ROBO2: variants seen among roughly 807,000 people sequenced by gnomAD.
ROBO2 encodes the protein roundabout homolog 2.
A neutral mutation model predicts 160.8 loss-of-function variants in ROBO2; 53 were observed. The ratio of observed to expected loss-of-function variants is 0.33; its 90% CI spans 0.26 to 0.41. ROBO2 has a LOEUF of 0.41. ROBO2 is among the 10% of genes least tolerant of loss of function. The pLI is 1.00. For missense variants in ROBO2, 1,577 were observed against 1,722.4 expected, an observed-to-expected ratio of 0.92 and a Z score of 1.49; for synonymous variants, 664 against 611.7, an observed-to-expected ratio of 1.09 and a Z score of -1.26.
At chr3:76,684,655 T>C (rs1244417272) in intron 2 of ROBO2, among the ~76,000 whole-genome samples, 1 of 152,112 alleles carries the variant, frequency 6.6e-6, no homozygotes, top group African/African-American at 2.4e-5. Flanking sequence ...TCCAAGAATA[T>C]CACTGACTAA....
chr3:76,285,106 C>T (rs997367814), intron 2 of ROBO2, among the ~76,000 whole-genome samples: 11 of 152,072 alleles, frequency 7.2e-5, no homozygotes, highest in African/African-American at 2.7e-4. Context: ...TGCTGTGGGA[C>T]GAGAAGAACT....
intron 2 of ROBO2, among the ~76,000 whole-genome samples, chr3:77,318,395 A>T (rs756261526): frequency 6.6e-6 from 1 of 152,208 alleles, no homozygotes; most frequent in Non-Finnish European, 1.5e-5. Flanking sequence ...TTCTATTAAT[A>T]AAAAATAAAA....
chr3:77,642,948 G>A lies in ROBO2; in HGVS notation c.3935-1756G>A. The A allele has an allele frequency of 2.2e-6, 1 of 456,450 alleles. No individual in the cohort carries two copies. Among genetic ancestry groups the A allele is most frequent in the Non-Finnish European group, 4.4e-6 (1 of 226,770 alleles). The allele number at this position is 456,450 out of a possible 1,614,324, so 28.3% of individuals were successfully genotyped here. A position where few individuals can be genotyped will look rare whatever the true frequency, so the allele number is the denominator to read the frequency against. On this transcript the variant is annotated intron_variant, in intron 24 of 25. Coordinates refer to ENST00000461745, the Ensembl canonical transcript of ROBO2. ...ACAAACAAGGTGTCGGATCAGGTGT[G>A]TTCTGCACAGTCCCAAGAAAGTGTG...
rs190378296 is a variant in ROBO2 at position 77,643,634 on chromosome 3, T to C, written c.3935-1070T>C. On this transcript the variant is annotated intron_variant, in intron 24 of 25. Transcript: ENST00000461745. ...TAAACGCATTTTCTGAGACATCTCA[T>C]GTCAGGATTCATTGAGTACTGAAAC... Among the ~76,000 whole-genome samples the C allele has an allele frequency of 5.3e-5, 8 of 152,286 alleles. No homozygotes were observed. The East Asian group carries it at 1.4e-3, about 26-fold the overall frequency.
chr3:76,017,240 C>T (rs2066430114), intron 2 of ROBO2, among the ~76,000 whole-genome samples: 1 of 152,154 alleles, frequency 6.6e-6, no homozygotes, highest in Non-Finnish European at 1.5e-5. Context: ...AGACGACTAA[C>T]AATCCCTCTA....
chr3:77,219,629 G>A (rs73101904), intron 2 of ROBO2, among the ~76,000 whole-genome samples: 3,362 of 150,596 alleles, frequency 0.022, 52 homozygotes, highest in Middle Eastern at 0.048. Flanking sequence ...TTGACCATGG[G>A]CCTTAAGGAA....
At chr3:75,972,242 C>G (rs1462155322) in intron 2 of ROBO2, among the ~76,000 whole-genome samples, 1 of 151,596 alleles carries the variant, frequency 6.6e-6, no homozygotes, top group Non-Finnish European at 1.5e-5. Context: ...TAGAAATGAT[C>G]AATAAAATCA....
intron 2 of ROBO2, among the ~76,000 whole-genome samples, chr3:76,686,075 T>C (rs2092679280): frequency 6.6e-6 from 1 of 152,082 alleles, no homozygotes; most frequent in Non-Finnish European, 1.5e-5. Flanking sequence ...AAGCATGCGA[T>C]AGCCATCCAA....
chr3:77,214,825 T>A (rs1310769536), intron 2 of ROBO2, among the ~76,000 whole-genome samples: 2 of 152,174 alleles, frequency 1.3e-5, no homozygotes, highest in Non-Finnish European at 2.9e-5. Context: ...ATTTTATTCC[T>A]CCTTCACTTA....
At chr3:76,472,543 A>C (rs371199954) in intron 2 of ROBO2, among the ~76,000 whole-genome samples, 4 of 152,156 alleles carry the variant, frequency 2.6e-5, no homozygotes, top group African/African-American at 7.2e-5. Flanking sequence ...GATTTTAAAA[A>C]GTGCTCTTAG....
intron 2 of ROBO2, among the ~76,000 whole-genome samples, chr3:76,084,133 T>C (rs2108046249): frequency 6.6e-6 from 1 of 152,252 alleles, no homozygotes; most frequent in African/African-American, 2.4e-5. Flanking sequence ...GAGAAACAGC[T>C]GCTGCCATGT....
At chr3:77,604,361 A>G (rs186008918) in intron 20 of ROBO2, among the ~76,000 whole-genome samples, 4 of 152,158 alleles carry the variant, frequency 2.6e-5, no homozygotes. Flanking sequence ...GCAAAGTCAC[A>G]TGCAGTATGT....
chr3:77,421,678 G>GT (rs1281809530), intron 2 of ROBO2, among the ~76,000 whole-genome samples: 20 of 152,066 alleles, frequency 1.3e-4, no homozygotes, highest in African/African-American at 4.6e-4. Flanking sequence ...GCATAATAGT[G>GT]TTAAAAACTC....
At chr3:77,220,398 A>C (rs925857400) in intron 2 of ROBO2, among the ~76,000 whole-genome samples, 2 of 152,196 alleles carry the variant, frequency 1.3e-5, no homozygotes, top group African/African-American at 4.8e-5. Context: ...AAATATAGAC[A>C]TACTAAGAGT....
intron 1 of ROBO2, among the ~76,000 whole-genome samples, chr3:77,073,887 C>G (rs1193463327): frequency 2.0e-5 from 3 of 152,026 alleles, no homozygotes; most frequent in African/African-American, 7.3e-5. Context: ...AGCTTTATGC[C>G]TAGTTGGTGA....
intron 2 of ROBO2, among the ~76,000 whole-genome samples, chr3:77,033,326 T>C (rs75956329): frequency 0.032 from 4,938 of 152,246 alleles, 262 homozygotes; most frequent in African/African-American, 0.11. Flanking sequence ...TGATGACAAG[T>C]GAATGGTTTA....
chr3:77,621,352 G>C (rs895450685), intron 22 of ROBO2, among the ~76,000 whole-genome samples: 9 of 152,048 alleles, frequency 5.9e-5, no homozygotes, highest in African/African-American at 1.9e-4. Context: ...CTTACGCCTG[G>C]GAAGTCAGGG....
chr3:76,193,500 T>C (rs560235984), intron 2 of ROBO2, among the ~76,000 whole-genome samples: 1 of 152,352 alleles, frequency 6.6e-6, no homozygotes, highest in African/African-American at 2.4e-5. Context: ...GTTGTTTTGA[T>C]TCCCCAGCCT....
intron 2 of ROBO2, among the ~76,000 whole-genome samples, chr3:77,238,709 T>A (rs2088471345): frequency 6.6e-6 from 1 of 152,168 alleles, no homozygotes; most frequent in Non-Finnish European, 1.5e-5. Context: ...TAATATTTAA[T>A]TTTTTTATAA....
Sources: gnomAD v4.1 joint callset for allele counts (sites outside exome capture counted in the v4.1 genomes callset) on GRCh38, gnomAD v4.1.1 for gene constraint, MANE v1.5 for transcripts, NCBI Gene and HGNC (gene_info 2026-07-23, HGNC 2026-07-21) for gene names.